DIXDC1: variants seen among roughly 807,000 people sequenced by gnomAD.
DIXDC1 encodes dixin.
A neutral mutation model predicts 103.1 loss-of-function variants in DIXDC1; 64 were observed. That is an observed-to-expected ratio of 0.62 (90% CI 0.51 to 0.76). DIXDC1 has a LOEUF of 0.76. Among genes scored for constraint, DIXDC1 ranks in the 30% least tolerant of loss-of-function variants. The pLI, the probability that DIXDC1 is intolerant of heterozygous loss-of-function variation, is 0.00. For missense variants in DIXDC1, 759 were observed against 834.2 expected (o/e 0.91, Z 1.11); for synonymous variants, 266 against 298.5 (o/e 0.89, Z 1.12).
intron 17 of DIXDC1, among the ~76,000 whole-genome samples, chr11:111,996,844 C>A (rs587659862): frequency 6.6e-6 from 1 of 152,246 alleles, no homozygotes; most frequent in South Asian, 2.1e-4. Context: ...AGTAAGACTC[C>A]ATCTCAAAAT....
intron 1 of DIXDC1, among the ~76,000 whole-genome samples, chr11:111,959,269 G>T (rs587732709): frequency 6.6e-6 from 1 of 152,206 alleles, no homozygotes; most frequent in Non-Finnish European, 1.5e-5. Context: ...CCTTTGGGGA[G>T]CCCAGACCTA....
chr11:111,932,188 G>A (rs1410842583), intron 2 of DIXDC1, among the ~76,000 whole-genome samples: 8 of 151,376 alleles, frequency 5.3e-5, no homozygotes, highest in Admixed American at 5.3e-4. Flanking sequence ...AGGACACCAC[G>A]CCTGGCTAAT....
intron 9 of DIXDC1, among the ~76,000 whole-genome samples, chr11:111,987,900 C>T (rs782430149): frequency 1.3e-5 from 2 of 151,996 alleles, no homozygotes; most frequent in Admixed American, 6.6e-5. Context: ...CTTCGTGGTC[C>T]GCCTGCCTTG....
intron 2 of DIXDC1, among the ~76,000 whole-genome samples, chr11:111,931,568 G>A (rs918455097): frequency 1.3e-5 from 2 of 152,090 alleles, no homozygotes; most frequent in Non-Finnish European, 2.9e-5. Context: ...ACTTGAACCC[G>A]GGAGGCAGAG....
intron 1 of DIXDC1, among the ~76,000 whole-genome samples, chr11:111,950,502 C>T (rs1456300787): frequency 8.6e-6 from 1 of 116,240 alleles, no homozygotes; most frequent in Non-Finnish European, 1.7e-5. Flanking sequence ...GTCGCCCAGG[C>T]TGGAGTGCAA....
At chr11:112,010,104 CAA>C (rs1176800332) in intron 17 of DIXDC1, among the ~76,000 whole-genome samples, 1 of 152,210 alleles carries the variant, frequency 6.6e-6, no homozygotes, top group African/African-American at 2.4e-5. Context: ...GCAACTTCAG[CAA>C]AGTCTCAGGA....
In DIXDC1 at chr11:111,968,500, T is replaced by C. The variant is rs1566501391; in HGVS notation, c.191-13T>C. Reference sequence around the variant, plus strand: ...CCTCCCTATAACTTCCTATATTTTCTCTCTCCTAACAGCAGGAGAAAAGCT... The same window carrying C: ...CCTCCCTATAACTTCCTATATTTTCCCTCTCCTAACAGCAGGAGAAAAGCT... On this transcript the variant is annotated splice_polypyrimidine_tract_variant and intron_variant, in intron 2 of 19. Coordinates refer to ENST00000440460, the MANE Select transcript of DIXDC1 (RefSeq NM_001037954.4). 1 of 1,610,950 alleles carries C rather than the reference T, an allele frequency of 6.2e-7. No homozygotes were observed. The highest frequency in any genetic ancestry group is 2.2e-5 in the East Asian group (1 of 44,852).
At chr11:112,002,371 C>T (rs1861095735) in intron 17 of DIXDC1, among the ~76,000 whole-genome samples, 2 of 152,102 alleles carry the variant, frequency 1.3e-5, no homozygotes, top group African/African-American at 4.8e-5. Flanking sequence ...TGTGGACATT[C>T]CTCAAAAAAA....
intron 1 of DIXDC1, among the ~76,000 whole-genome samples, chr11:111,939,798 G>T (rs894303520): frequency 2.6e-5 from 4 of 152,126 alleles, no homozygotes; most frequent in African/African-American, 7.2e-5. Flanking sequence ...CAGCCTCCAG[G>T]GTTGCTTAAT....
chr11:111,944,381 G>GC (rs1966525727), intron 1 of DIXDC1, among the ~76,000 whole-genome samples: 2 of 152,202 alleles, frequency 1.3e-5, no homozygotes, highest in Non-Finnish European at 2.9e-5. Flanking sequence ...CCCTGGTGAA[G>GC]CCCCATTGGT....
intron 18 of DIXDC1, among the ~76,000 whole-genome samples, chr11:112,016,998 T>C (rs1555177820): frequency 6.6e-6 from 1 of 152,084 alleles, no homozygotes; most frequent in Admixed American, 6.6e-5. Context: ...AGTCATGATC[T>C]ACTACTAGAT....
chr11:111,968,717 A>G (rs1859815099), intron 3 of DIXDC1, 79 bp downstream of exon 3: 1 of 1,359,018 alleles, frequency 7.4e-7, no homozygotes, highest in South Asian at 1.8e-5. Context: ...CCTTGGCTGT[A>G]ACCTGGGGGA....
chr11:111,953,571 G>A (rs1331384094), intron 1 of DIXDC1, among the ~76,000 whole-genome samples: 1 of 152,146 alleles, frequency 6.6e-6, no homozygotes, highest in Non-Finnish European at 1.5e-5. Context: ...CCGGGAGGTG[G>A]AGGTTGTAGT....
chr11:111,998,678 C>T lies in DIXDC1; in HGVS notation c.1756+2532C>T, dbSNP rs891687606. On this transcript the variant is annotated intron_variant, in intron 17 of 19. Transcript: ENST00000440460. The surrounding 1 kb of genome is among the most constrained non-coding windows in gnomAD (Gnocchi z 4.1). ...CCTGCCTCAGCCTCCTGATTACAGG[C>T]GCCCGCCACCACGCCCGGCTAATTT... Among the ~76,000 whole-genome samples, 2 of 151,964 alleles carry T rather than the reference C, an allele frequency of 1.3e-5. No individual in the cohort carries two copies. Among genetic ancestry groups the T allele is most frequent in the African/African-American group, 4.8e-5 (2 of 41,378 alleles).
Position 111,993,713 on chromosome 11 carries a change from T to G in DIXDC1, c.1410T>G (p.Ala470=). Residue 470 remains alanine (A), a synonymous_variant, in exon 14 of 20, where the codon GCT becomes GCG. Transcript: ENST00000440460. The stretch of plus-strand genomic sequence containing the variant: ...TAGAACACAAAGATGTCCTCTTGGC[T>G]CACTGTATGAAAAGAGAGGCAGATG... The part of the protein sequence containing the change: ...RELEHKDVLL[A]HCMKREADEA... 1 of 1,613,992 alleles carries G rather than the reference T, an allele frequency of 6.2e-7. No homozygotes were observed. Among genetic ancestry groups the G allele is most frequent in the Non-Finnish European group, 8.5e-7 (1 of 1,179,892 alleles).
Position 111,931,163 on chromosome 11 carries a change from C to T in DIXDC1, c.57+1253C>T, listed in dbSNP as rs1027082568. ...GCCATCGTGACTGGCCGAGACCCCCCCTTTCTACAAAAAATTTAAAAATTT... is the reference window on the plus strand; with the variant it reads ...GCCATCGTGACTGGCCGAGACCCCCTCTTTCTACAAAAAATTTAAAAATTT... On this transcript the variant is annotated intron_variant, in intron 2 of 5. Transcript: ENST00000529225. Among the ~76,000 whole-genome samples the T allele has an allele frequency of 2.6e-5, 4 of 151,988 alleles. No homozygotes were observed. In the East Asian group the frequency reaches 7.8e-4, roughly 30 times the overall value.
chr11:111,929,803 T>C, intron 1 of DIXDC1: 1 of 1,444,594 alleles, frequency 6.9e-7, no homozygotes, highest in Non-Finnish European at 9.3e-7. Context: ...ACATTTCTTA[T>C]TCTTCCTGTT....
At position 111,975,233 on chromosome 11, in the gene DIXDC1, C is replaced by T. The variant is rs1282391540; in HGVS notation, c.656+250C>T. 9.4e-6 allele frequency: 12 copies of T among 1,279,308 alleles called. No individual in the cohort carries two copies. In the African/African-American group the frequency reaches 1.8e-4, roughly 19 times the overall value. 79.2% of individuals were successfully genotyped at this position (1,279,308 alleles called of 1,614,324 possible). A position where few individuals can be genotyped will look rare whatever the true frequency, so the allele number is the denominator to read the frequency against. On this transcript the variant is annotated intron_variant, in intron 5 of 19. Transcript: ENST00000440460. ...TCCCAGTGCCAGTGCTTAACTGTGACCACATGGGGGCATGGCTGGAACCTG... is the reference window on the plus strand; with the variant it reads ...TCCCAGTGCCAGTGCTTAACTGTGATCACATGGGGGCATGGCTGGAACCTG...
At chr11:111,994,616 ATG>A (rs1213309646) in intron 14 of DIXDC1, among the ~76,000 whole-genome samples, 1 of 151,322 alleles carries the variant, frequency 6.6e-6, no homozygotes, top group Admixed American at 6.6e-5. Flanking sequence ...ATGTATATGT[ATG>A]TGTATATATA....
Sources: allele counts gnomAD v4.1 joint callset (sites outside exome capture counted in the v4.1 genomes callset), GRCh38; gene constraint gnomAD v4.1.1; non-coding constraint Gnocchi (gnomAD v3.1); transcripts MANE v1.5; gene names NCBI Gene and HGNC (gene_info 2026-07-23, HGNC 2026-07-21).